LGI1: variants seen among roughly 807,000 people sequenced by gnomAD.
LGI1 encodes leucine-rich glioma-inactivated protein 1.
A neutral mutation model predicts 57.7 loss-of-function variants in LGI1; 11 were observed. The ratio of observed to expected loss-of-function variants is 0.19; its 90% CI spans 0.12 to 0.32. The LOEUF is 0.32. LGI1 is among the 10% of genes least tolerant of loss of function. The pLI, the probability that LGI1 is intolerant of heterozygous loss-of-function variation, is 1.00. For missense variants in LGI1, 422 were observed against 661.9 expected (o/e 0.64, Z 3.98); for synonymous variants, 222 against 241.9 (o/e 0.92, Z 0.76).
At chr10:93,796,447 G>A (rs2059980465) in intron 7 of LGI1, among the ~76,000 whole-genome samples, 1 of 152,138 alleles carries the variant, frequency 6.6e-6, no homozygotes. Flanking sequence ...GCATAGAGAT[G>A]CTGGTAGGCC....
chr10:93,758,992 C>A lies in LGI1; in HGVS notation c.287+161C>A. 1.5e-6 allele frequency: 1 copy of A among 647,456 alleles called. No individual in the cohort carries two copies. Among genetic ancestry groups the A allele is most frequent in the Non-Finnish European group, 2.7e-6 (1 of 364,234 alleles). 40.1% of individuals were successfully genotyped at this position (647,456 alleles called of 1,614,324 possible). ...GTAGATGGGTTTGTTTGCGACTTCACACCAACAGTGCAGGTTGATTCTTAC... is the reference window on the plus strand; with the variant it reads ...GTAGATGGGTTTGTTTGCGACTTCAAACCAACAGTGCAGGTTGATTCTTAC... On this transcript the variant is annotated intron_variant, in intron 2 of 7. Coordinates refer to ENST00000371418, the MANE Select transcript of LGI1 (RefSeq NM_005097.4). This position sits in a 1 kb window ranked among gnomAD's most constrained non-coding sequence, Gnocchi z 4.7.
At chr10:93,767,699 G>A (rs779794344) in intron 2 of LGI1, 3 of 152,114 alleles carry the variant, frequency 2.0e-5, no homozygotes, top group Admixed American at 6.5e-5. Flanking sequence ...GTGTGGATTC[G>A]TTGATGTGAC....
chr10:93,767,352 A>G (rs145943770), intron 2 of LGI1: 1 of 151,844 alleles, frequency 6.6e-6, no homozygotes, highest in African/African-American at 2.4e-5. Flanking sequence ...GACCTGAAAG[A>G]AGAGTTCTGT....
intron 4 of LGI1, 41 bp downstream of exon 4, chr10:93,777,658 G>A (rs1247615524): frequency 6.7e-7 from 1 of 1,499,920 alleles, no homozygotes; most frequent in African/African-American, 1.4e-5. Flanking sequence ...GCTTGCTAAT[G>A]GACAATGCAG....
chr10:93,781,243 C>A (rs1229428725), intron 4 of LGI1, among the ~76,000 whole-genome samples: 1 of 151,966 alleles, frequency 6.6e-6, no homozygotes, highest in African/African-American at 2.4e-5. Context: ...CCTGTAGTCC[C>A]AGCTACTCTG....
chr10:93,758,741 CT>C lies in LGI1; in HGVS notation c.216-13del, dbSNP rs777798623. ...GTGTGTGTCTGTTTGTTTGTTTTCT[CT>C]TTTTTGTTTTCTTTCAGATCCTTTG... On this transcript the variant is annotated intron_variant, in intron 1 of 7. Transcript: ENST00000371418. The surrounding 1 kb of genome is among the most constrained non-coding windows in gnomAD (Gnocchi z 4.7). The C allele has an allele frequency of 2.5e-6, 4 of 1,592,094 alleles. No individual in the cohort carries two copies. Among genetic ancestry groups the C allele is most frequent in the Non-Finnish European group, 3.4e-6 (4 of 1,161,586 alleles).
At position 93,797,720 on chromosome 10, in the gene LGI1, A is replaced by C; in HGVS notation, c.1591A>C (p.Asn531His). ...AAGATCATTCACACATGTGTCCATTAATAAGCGTAATTTTCTTTTTGCTTC... is the reference window on the plus strand; with the variant it reads ...AAGATCATTCACACATGTGTCCATTCATAAGCGTAATTTTCTTTTTGCTTC... ...APRSFTHVSI[N>H]KRNFLFASSF... Residue 531 changes from asparagine to histidine, a missense_variant, in exon 8 of 8, where the codon AAT becomes CAT. Physicochemically the swap from Asn to His is moderately conservative, Grantham distance 68. Coordinates refer to ENST00000371418, the MANE Select transcript of LGI1 (RefSeq NM_005097.4). The surrounding 1 kb of genome is among the most constrained non-coding windows in gnomAD (Gnocchi z 6.5). 6.2e-6 allele frequency: 10 copies of C among 1,612,874 alleles called. No homozygotes were observed. Among genetic ancestry groups the C allele is most frequent in the Non-Finnish European group, 8.5e-6 (10 of 1,180,018 alleles).
rs1049749052 is a variant in LGI1, at chr10:93,758,413, G to C, written c.215+54G>C. On this transcript the variant is annotated intron_variant, in intron 1 of 7. Coordinates refer to ENST00000371418, the MANE Select transcript of LGI1 (RefSeq NM_005097.4). This position sits in a 1 kb window ranked among gnomAD's most constrained non-coding sequence, Gnocchi z 4.7. Reference sequence around the variant, plus strand: ...ATTTACGATTTAAAAATTCCAGCCGGTGGATTTGGGGCTTTGCATGTATTT... The same window carrying C: ...ATTTACGATTTAAAAATTCCAGCCGCTGGATTTGGGGCTTTGCATGTATTT... 1 of 1,532,148 alleles carries C rather than the reference G, an allele frequency of 6.5e-7. No individual in the cohort carries two copies. Among genetic ancestry groups the C allele is most frequent in the Non-Finnish European group, 9.0e-7 (1 of 1,107,784 alleles). 94.9% of individuals were successfully genotyped at this position (1,532,148 alleles called of 1,614,324 possible).
At chr10:93,790,948 C>A (rs1048957098) in intron 5 of LGI1, 4 of 152,116 alleles carry the variant, frequency 2.6e-5, no homozygotes, top group Admixed American at 2.0e-4. Flanking sequence ...TATATGAAAA[C>A]AAAAGCTTTT....
intron 2 of LGI1, among the ~76,000 whole-genome samples, chr10:93,773,441 A>G (rs2059759956): frequency 6.6e-6 from 1 of 152,196 alleles, no homozygotes; most frequent in Non-Finnish European, 1.5e-5. Context: ...CTTCTGTCAA[A>G]TAGATCTTAC....
intron 4 of LGI1, among the ~76,000 whole-genome samples, chr10:93,781,903 T>C (rs1483163479): frequency 6.6e-6 from 1 of 152,212 alleles, no homozygotes; most frequent in Admixed American, 6.5e-5. Context: ...ATATGTATTG[T>C]AGAGTATCCA....
At chr10:93,779,519 G>A (rs1362187713) in intron 4 of LGI1, among the ~76,000 whole-genome samples, 2 of 150,504 alleles carry the variant, frequency 1.3e-5, no homozygotes, top group African/African-American at 2.4e-5. Context: ...GAAGGAAGAT[G>A]AGAGAGGAAG....
At position 93,797,311 on chromosome 10, in the gene LGI1, C is replaced by A; in HGVS notation, c.1182C>A (p.Leu394=). Residue 394 remains leucine (L), a synonymous_variant, in exon 8 of 8, where the codon CTC becomes CTA. Transcript: ENST00000371418. This position sits in a 1 kb window ranked among gnomAD's most constrained non-coding sequence, Gnocchi z 6.5. Reference sequence around the variant, plus strand: ...AAATAGTCAGAACACCTCAGACACTCAGAACGCCTCATTTAATTCTGTCTA... The same window carrying A: ...AAATAGTCAGAACACCTCAGACACTAAGAACGCCTCATTTAATTCTGTCTA... ...YLEIVRTPQT[L]RTPHLILSSS... is the part of the protein sequence containing the mutation. 6.2e-7 allele frequency: 1 copy of A among 1,614,194 alleles called. No individual in the cohort carries two copies. The highest frequency in any genetic ancestry group is 8.5e-7 in the Non-Finnish European group (1 of 1,180,032).
chr10:93,783,669 A>T (rs776797488), intron 4 of LGI1, among the ~76,000 whole-genome samples: 1 of 152,112 alleles, frequency 6.6e-6, no homozygotes, highest in African/African-American at 2.4e-5. Flanking sequence ...CTAGATATGT[A>T]CGCGTCCTCT....
At chr10:93,775,448 G>C (rs990862015) in intron 2 of LGI1, among the ~76,000 whole-genome samples, 2 of 152,194 alleles carry the variant, frequency 1.3e-5, no homozygotes, top group African/African-American at 4.8e-5. Context: ...GCCAGGAACT[G>C]TGCCCGGGGC....
Position 93,758,829 on chromosome 10 carries a change from C to T in LGI1, c.285C>T (p.Leu95=). The change falls in exon 2 of 8, where the codon CTC becomes CTT. Residue 95 remains leucine (L), a splice_region_variant and synonymous_variant. Coordinates refer to ENST00000371418, the MANE Select transcript of LGI1 (RefSeq NM_005097.4). The surrounding 1 kb of genome is among the most constrained non-coding windows in gnomAD (Gnocchi z 4.7). ...TTTTATTCACGCCATCGCTGCAGCT[C>T]TTGTGAGAAATATTTATATCATGAC... ...GSFLFTPSLQ[L]LLFTSNSFDV... is the part of the protein sequence containing the mutation. 1 of 1,604,218 alleles carries T rather than the reference C, an allele frequency of 6.2e-7. No individual in the cohort carries two copies. Among genetic ancestry groups the T allele is most frequent in the Non-Finnish European group, 8.5e-7 (1 of 1,171,478 alleles).
rs1362292277 is a variant in LGI1, at chr10:93,793,089, T to C, written c.674-97T>C. On this transcript the variant is annotated intron_variant, in intron 6 of 7. Transcript: ENST00000371418. Reference sequence around the variant, plus strand: ...TTTAAAAGTAAAATGGCCATTTTACTATTCTCTGAAATAAATGTATTTCTT... The same window carrying C: ...TTTAAAAGTAAAATGGCCATTTTACCATTCTCTGAAATAAATGTATTTCTT... The C allele has an allele frequency of 2.9e-5, 35 of 1,227,542 alleles. No homozygotes were observed. The South Asian group carries it at 4.6e-4, about 16-fold the overall frequency. 76.0% of individuals were successfully genotyped at this position (1,227,542 alleles called of 1,614,324 possible). A position where few individuals can be genotyped will look rare whatever the true frequency, so the allele number is the denominator to read the frequency against.
At chr10:93,783,944 G>A (rs774257987) in intron 4 of LGI1, among the ~76,000 whole-genome samples, 15 of 152,058 alleles carry the variant, frequency 9.9e-5, no homozygotes, top group Non-Finnish European at 1.6e-4. Context: ...CCAGGGAGGC[G>A]GAAGTTGCAG....
rs531444070 is a variant in LGI1 at position 93,797,383 on chromosome 10, A to T, written c.1254A>T (p.Gln418His). The T allele has an allele frequency of 2.5e-6, 4 of 1,614,100 alleles. No individual in the cohort carries two copies. The highest frequency in any genetic ancestry group is 2.5e-6 in the Non-Finnish European group (3 of 1,180,048). ...TTTATCAGTGGAACAAAGCAACACA[A>T]TTATTCACTAACCAAACTGACATTC... is the stretch of plus-strand genomic sequence containing the variant. ...PVIYQWNKAT[Q>H]LFTNQTDIPN... Residue 418 changes from glutamine to histidine, a missense_variant, in exon 8 of 8, where the codon CAA becomes CAT. Gln to His is a conservative substitution (Grantham distance 24). Transcript: ENST00000371418. The surrounding 1 kb of genome is among the most constrained non-coding windows in gnomAD (Gnocchi z 6.5).
Sources: allele counts gnomAD v4.1 joint callset (sites outside exome capture counted in the v4.1 genomes callset), GRCh38; gene constraint gnomAD v4.1.1; non-coding constraint Gnocchi (gnomAD v3.1); transcripts MANE v1.5; gene names NCBI Gene and HGNC (gene_info 2026-07-23, HGNC 2026-07-21).